Variants in SERPINE2 observed in about 807,000 individuals in gnomAD.
The protein encoded by SERPINE2 is glia-derived nexin.
In SERPINE2, 14 loss-of-function variants were observed where a neutral mutation model predicts 36.3. The ratio of observed to expected loss-of-function variants is 0.39; its 90% CI spans 0.25 to 0.60. The LOEUF is 0.60. SERPINE2 is among the 20% of genes least tolerant of loss of function. The pLI, the probability that SERPINE2 is intolerant of heterozygous loss-of-function variation, is 0.57. For synonymous variants in SERPINE2, 192 were observed against 191.8 expected, an observed-to-expected ratio of 1.00 and a Z score of -0.01; for missense variants, 418 against 499.6, an observed-to-expected ratio of 0.84 and a Z score of 1.56.
chr2:224,029,716 T>C (rs967740909), intron 1 of SERPINE2, among the ~76,000 whole-genome samples: 2 of 152,244 alleles, frequency 1.3e-5, no homozygotes, highest in Non-Finnish European at 2.9e-5. Flanking sequence ...TTGTTTTATT[T>C]TGAGACAGAG....
At chr2:223,977,862 T>C in intron 7 of SERPINE2, 1 of 469,828 alleles carries the variant, frequency 2.1e-6, no homozygotes, top group Non-Finnish European at 3.9e-6. Context: ...GCACCATCTC[T>C]GATAAACATA....
intron 3 of SERPINE2, among the ~76,000 whole-genome samples, chr2:223,993,709 G>A (rs1348034295): frequency 6.6e-6 from 1 of 152,146 alleles, no homozygotes; most frequent in African/African-American, 2.4e-5. Flanking sequence ...AGAGGATTCT[G>A]ATGTACAGTA....
chr2:223,980,606 T>C (rs962543799), intron 6 of SERPINE2: 3 of 527,336 alleles, frequency 5.7e-6, no homozygotes, highest in Non-Finnish European at 1.0e-5. Flanking sequence ...TGATACTCAC[T>C]TCTGGAGAAG....
chr2:224,030,185 G>T, intron 1 of SERPINE2: 1 of 985,384 alleles, frequency 1.0e-6, no homozygotes, highest in Non-Finnish European at 1.2e-6. Flanking sequence ...TTGCTTCATG[G>T]CCAACGCACA....
intron 1 of SERPINE2, among the ~76,000 whole-genome samples, chr2:224,008,141 T>C (rs1691495224): frequency 6.6e-6 from 1 of 152,216 alleles, no homozygotes; most frequent in South Asian, 2.1e-4. Context: ...TTTGTAAGAA[T>C]ATTTTGTAGA....
intron 1 of SERPINE2, among the ~76,000 whole-genome samples, chr2:224,003,512 G>C (rs1042305745): frequency 6.6e-6 from 1 of 152,096 alleles, no homozygotes; most frequent in African/African-American, 2.4e-5. Flanking sequence ...GTTACAATAG[G>C]GTAGGACAAT....
At position 224,031,451 on chromosome 2, in the gene SERPINE2, C is replaced by G. The variant is rs1692363061; in HGVS notation, c.-23+7648G>C. ...GGAACGCCAGGCAGCACGGTCCTCT[C>G]CACTCCCTTTCCTCCTAACCAAGGA... On this transcript the variant is annotated intron_variant, in intron 1 of 8. Transcript: ENST00000409304. 6 of 985,582 alleles carry G rather than the reference C, an allele frequency of 6.1e-6. No individual in the cohort carries two copies. In the African/African-American group the frequency reaches 8.7e-5, roughly 14 times the overall value. The allele number at this position is 985,582 out of a possible 1,614,324, so 61.1% of individuals were successfully genotyped here. A position where few individuals can be genotyped will look rare whatever the true frequency, so the allele number is the denominator to read the frequency against.
Position 224,019,765 on chromosome 2 carries a change from T to TAAA in SERPINE2, c.-22-17846_-22-17844dup, listed in dbSNP as rs778718363. Among the ~76,000 whole-genome samples, 521 of 137,706 alleles carry TAAA rather than the reference T, an allele frequency of 3.8e-3. 3 individuals carry two copies. The highest frequency in any genetic ancestry group is 0.013 in the African/African-American group (491 of 37,392). The allele number at this position is 137,706 out of a possible 152,430, so 90.3% of individuals were successfully genotyped here. Reference sequence around the variant, plus strand: ...TTGAGGAAGTCTTTTTTTTTTTTTTTAAAAAAAAAAAAAGAATGTACACAT... The same window carrying TAAA: ...TTGAGGAAGTCTTTTTTTTTTTTTTTAAAAAAAAAAAAAAAAGAATGTACACAT... On this transcript the variant is annotated intron_variant, in intron 1 of 8. Transcript: ENST00000409304.
intron 3 of SERPINE2, among the ~76,000 whole-genome samples, chr2:223,993,546 GTGTGTGTGTGTGTA>G (rs984720998): frequency 1.2e-4 from 19 of 152,012 alleles, no homozygotes; most frequent in African/African-American, 3.9e-4. Flanking sequence ...GTGTGTGTGT[GTGTGTGTGTGTGTA>G]TGTGTGTATG....
At chr2:223,981,762 C>T (rs759233153) in intron 6 of SERPINE2, 1 of 152,170 alleles carries the variant, frequency 6.6e-6, no homozygotes, top group African/African-American at 2.4e-5. Flanking sequence ...GAAAAAGGTA[C>T]ATATACTGCT....
chr2:224,015,034 G>A (rs1691752936), intron 1 of SERPINE2, among the ~76,000 whole-genome samples: 1 of 151,166 alleles, frequency 6.6e-6, no homozygotes, highest in Non-Finnish European at 1.5e-5. Flanking sequence ...TGGTGCCATG[G>A]CATCTGGTAG....
chr2:223,993,748 T>C (rs902122473), intron 3 of SERPINE2, among the ~76,000 whole-genome samples: 2 of 152,130 alleles, frequency 1.3e-5, no homozygotes, highest in Non-Finnish European at 2.9e-5. Flanking sequence ...TCATGATAAA[T>C]AAACACTGAA....
At position 224,020,833 on chromosome 2, in the gene SERPINE2, A is replaced by G. The variant is rs143326033; in HGVS notation, c.-23+18266T>C. 4.3e-3 allele frequency among the ~76,000 whole-genome samples: 657 copies of G among 152,358 alleles called. 4 individuals are homozygous for G. Among genetic ancestry groups the G allele is most frequent in the Non-Finnish European group, 7.6e-3 (514 of 68,036 alleles). On this transcript the variant is annotated intron_variant, in intron 1 of 8. Transcript: ENST00000409304. ...AATTTGCATTCCCTATTTTAAATGT[A>G]CAATCAAATGCTGTCTTAAAGTGCT...
chr2:223,992,705 G>A (rs926141578), intron 3 of SERPINE2, among the ~76,000 whole-genome samples: 3 of 152,264 alleles, frequency 2.0e-5, no homozygotes, highest in Admixed American at 1.3e-4. Context: ...AATGAGAAAC[G>A]TTTGAGGTAA....
intron 1 of SERPINE2, among the ~76,000 whole-genome samples, chr2:224,004,329 AGTTTCTTATAT>A (rs1691309032): frequency 6.6e-6 from 1 of 152,324 alleles, no homozygotes; most frequent in South Asian, 2.1e-4. Flanking sequence ...TGATGTTGCA[AGTTTCTTATAT>A]GTTGTGAAAC....
intron 7 of SERPINE2, chr2:223,979,211 T>A (rs964455883): frequency 1.3e-5 from 2 of 152,156 alleles, no homozygotes; most frequent in Non-Finnish European, 2.9e-5. Flanking sequence ...TATCTTGAAA[T>A]TCTTATACAT....
intron 1 of SERPINE2, among the ~76,000 whole-genome samples, chr2:224,003,444 C>T (rs1387747189): frequency 1.3e-5 from 2 of 152,166 alleles, no homozygotes; most frequent in Non-Finnish European, 2.9e-5. Flanking sequence ...ACCATAAGCA[C>T]ACTGCTTTTA....
chr2:224,009,213 A>C (rs974877788), intron 1 of SERPINE2, among the ~76,000 whole-genome samples: 1 of 152,006 alleles, frequency 6.6e-6, no homozygotes, highest in Non-Finnish European at 1.5e-5. Context: ...GTGAAAGCTG[A>C]CACCTTCTCA....
At chr2:224,011,471 A>G (rs1176695460) in intron 1 of SERPINE2, among the ~76,000 whole-genome samples, 3 of 152,218 alleles carry the variant, frequency 2.0e-5, no homozygotes, top group African/African-American at 7.2e-5. Context: ...ATTTTAAGAA[A>G]TCATATTTTG....
Sources: gnomAD v4.1 joint callset for allele counts (sites outside exome capture counted in the v4.1 genomes callset) on GRCh38, gnomAD v4.1.1 for gene constraint, MANE v1.5 for transcripts, NCBI Gene and HGNC (gene_info 2026-07-23, HGNC 2026-07-21) for gene names.